Variants in SS18L2 observed in about 807,000 individuals in gnomAD.
The protein encoded by SS18L2 is SS18 like 2.
SS18L2 carries 8 observed loss-of-function variants against 10.3 expected under a neutral mutation model. The observed-to-expected ratio is 0.78, with a 90% CI of 0.46 to 1.41. The LOEUF is 1.41. SS18L2 is among the 40% of genes most tolerant of loss of function. SS18L2 has a pLI of 0.00. For missense variants in SS18L2, 100 were observed against 96.2 expected, an observed-to-expected ratio of 1.04 and a Z score of -0.17; for synonymous variants, 41 against 34.6, an observed-to-expected ratio of 1.19 and a Z score of -0.65.
intron 1 of SS18L2, among the ~76,000 whole-genome samples, chr3:42,583,559 T>A (rs900019582): frequency 1.3e-5 from 2 of 152,174 alleles, no homozygotes; most frequent in African/African-American, 4.8e-5. Flanking sequence ...GATTTTGCGA[T>A]GATTAGTTTT....
intron 1 of SS18L2, among the ~76,000 whole-genome samples, chr3:42,583,703 T>G (rs1704510456): frequency 6.6e-6 from 1 of 152,168 alleles, no homozygotes; most frequent in Non-Finnish European, 1.5e-5. Context: ...TCTGTCCTCA[T>G]CTAATATGCG....
rs1238491288 is a variant in SS18L2 at position 42,596,798 on chromosome 3, C to A, written c.*2289C>A. ...TGAAGAAAGTAAACTTCAGAGAGATCAAAGTGATTTGTCTCAGGTCACATA... is the reference window on the plus strand; with the variant it reads ...TGAAGAAAGTAAACTTCAGAGAGATAAAAGTGATTTGTCTCAGGTCACATA... On this transcript the variant is annotated 3_prime_UTR_variant, in exon 3 of 3. Transcript: ENST00000011691. Among the ~76,000 whole-genome samples the A allele has an allele frequency of 6.6e-6, 1 of 152,142 alleles. No individual in the cohort carries two copies. Among genetic ancestry groups the A allele is most frequent in the Non-Finnish European group, 1.5e-5 (1 of 68,020 alleles).
chr3:42,588,141 C>T (rs1206843005), upstream of SS18L2, among the ~76,000 whole-genome samples: 3 of 151,934 alleles, frequency 2.0e-5, no homozygotes, highest in African/African-American at 4.8e-5. Flanking sequence ...CGGTGGCTCA[C>T]GCCTGTAATC....
At chr3:42,586,310 C>T (rs140950040), upstream of SS18L2, among the ~76,000 whole-genome samples, 62 of 152,294 alleles carry the variant, frequency 4.1e-4, 1 homozygote, top group East Asian at 3.9e-3. Context: ...GCAACCTCTG[C>T]CTGCCGGATT....
chr3:42,587,005 T>G (rs1332789342), upstream of SS18L2, among the ~76,000 whole-genome samples: 1 of 152,160 alleles, frequency 6.6e-6, no homozygotes, highest in Non-Finnish European at 1.5e-5. Context: ...TTTCTTTCCC[T>G]CCCCACTTGA....
upstream of SS18L2, among the ~76,000 whole-genome samples, chr3:42,589,706 C>T (rs1375948443): frequency 6.6e-6 from 1 of 152,216 alleles, no homozygotes; most frequent in Non-Finnish European, 1.5e-5. Flanking sequence ...TAATGAGAAT[C>T]TAATGCCTGC....
chr3:42,586,148 C>T (rs116011227), upstream of SS18L2, among the ~76,000 whole-genome samples: 1,706 of 152,314 alleles, frequency 0.011, 15 homozygotes, highest in Non-Finnish European at 0.016. Flanking sequence ...ATTTCTCAGT[C>T]CCCTGCAGTT....
rs1198946169 is a variant in SS18L2 at position 42,595,801 on chromosome 3, A to G, written c.*1292A>G. On this transcript the variant is annotated 3_prime_UTR_variant, in exon 3 of 3. Coordinates refer to ENST00000011691, the MANE Select transcript of SS18L2 (RefSeq NM_001370300.1). The stretch of plus-strand genomic sequence containing the variant: ...TGTAAAATACATGTAAATAGTGAAG[A>G]GATAACTCATTTTGAATCCCAGCTC... Among the ~76,000 whole-genome samples the G allele has an allele frequency of 1.3e-5, 2 of 152,198 alleles. No individual in the cohort carries two copies. Among genetic ancestry groups the G allele is most frequent in the African/African-American group, 4.8e-5 (2 of 41,442 alleles).
intron 1 of SS18L2, among the ~76,000 whole-genome samples, chr3:42,585,402 G>A (rs1704578022): frequency 6.6e-6 from 1 of 152,136 alleles, no homozygotes; most frequent in African/African-American, 2.4e-5. Flanking sequence ...CACTCCTAGG[G>A]TAACACCCTG....
intron 1 of SS18L2, 92 bp from the exon 2 acceptor site, chr3:42,591,433 T>C (rs1577373929): frequency 2.2e-6 from 2 of 891,608 alleles, no homozygotes; most frequent in African/African-American, 3.3e-5. Context: ...GACCTCGTGA[T>C]CCGCCTAGAT....
intron 1 of SS18L2, among the ~76,000 whole-genome samples, chr3:42,583,412 C>G (rs1466129546): frequency 1.3e-5 from 2 of 152,142 alleles, no homozygotes; most frequent in Non-Finnish European, 2.9e-5. Context: ...AAGGATGATG[C>G]CACTGTTCAG....
chr3:42,584,088 G>A (rs3886782), intron 1 of SS18L2, among the ~76,000 whole-genome samples: 2 of 152,108 alleles, frequency 1.3e-5, no homozygotes, highest in Admixed American at 6.5e-5. Flanking sequence ...ATAACTATGT[G>A]AGCCAGTTCC....
chr3:42,592,226 A>T (rs777755973), intron 2 of SS18L2, among the ~76,000 whole-genome samples: 8 of 150,606 alleles, frequency 5.3e-5, no homozygotes, highest in Admixed American at 6.6e-5. Context: ...TTTTTGAGAC[A>T]GTCTCCCTCT....
At chr3:42,593,206 A>C (rs1704913706) in intron 2 of SS18L2, among the ~76,000 whole-genome samples, 1 of 152,152 alleles carries the variant, frequency 6.6e-6, no homozygotes, top group Non-Finnish European at 1.5e-5. Flanking sequence ...TGAGGTCAGG[A>C]GTTCAATACC....
At chr3:42,588,022 G>A (rs530635075), upstream of SS18L2, among the ~76,000 whole-genome samples, 7 of 151,844 alleles carry the variant, frequency 4.6e-5, no homozygotes, top group Admixed American at 3.3e-4. Context: ...GCAGTGAGCC[G>A]AGATTGCACC....
In SS18L2 at chr3:42,591,572, G is replaced by A. The variant is rs1197666611; in HGVS notation, c.117G>A (p.Gln39=). 6.2e-7 allele frequency: 1 copy of A among 1,614,036 alleles called. No homozygotes were observed. Among genetic ancestry groups the A allele is most frequent in the Non-Finnish European group, 8.5e-7 (1 of 1,179,912 alleles). ...TGATCCGCTGTATTGTGGAGTATCAGAACAAGGGCCGCGGGAACGAGTGCG... is the reference window on the plus strand; with the variant it reads ...TGATCCGCTGTATTGTGGAGTATCAAAACAAGGGCCGCGGGAACGAGTGCG... ...DQLIRCIVEY[Q]NKGRGNECVQ... is the part of the protein sequence containing the mutation. Residue 39 remains glutamine (Q), a synonymous_variant, in exon 2 of 3, where the codon CAG becomes CAA. Coordinates refer to ENST00000011691, the MANE Select transcript of SS18L2 (RefSeq NM_001370300.1).
At chr3:42,582,342 CG>C (rs1370755235) in intron 1 of SS18L2, 2 of 152,344 alleles carry the variant, frequency 1.3e-5, no homozygotes, top group Non-Finnish European at 2.9e-5. Context: ...ACGCCCGGGG[CG>C]TATGTTCTGC....
At chr3:42,582,122 C>G (rs1212793803) in intron 1 of SS18L2, 1 of 152,238 alleles carries the variant, frequency 6.6e-6, no homozygotes. Flanking sequence ...TAAAGGGCTG[C>G]GACCCAAACG....
exon 1 of SS18L2, chr3:42,581,914 C>G (rs1038946923): frequency 3.9e-5 from 6 of 152,272 alleles, no homozygotes; most frequent in Non-Finnish European, 7.3e-5. Context: ...GCAATCTTAG[C>G]CGACCGGGAG....
Sources: gnomAD v4.1 joint callset for allele counts (sites outside exome capture counted in the v4.1 genomes callset) on GRCh38, gnomAD v4.1.1 for gene constraint, MANE v1.5 for transcripts, NCBI Gene and HGNC (gene_info 2026-07-23, HGNC 2026-07-21) for gene names.